The following COL13A1 variants were observed in gnomAD, a reference collection of about 807,000 sequenced individuals.
The protein encoded by COL13A1 is collagen type XIII alpha 1 chain.
A neutral mutation model predicts 130.9 loss-of-function variants in COL13A1; 89 were observed. The ratio of observed to expected loss-of-function variants is 0.68; its 90% confidence interval spans 0.57 to 0.81. The LOEUF (loss-of-function observed/expected upper bound fraction) is 0.81, where lower values mean the gene tolerates loss of function less well. Ranked by LOEUF, COL13A1 falls within the 30% of genes least tolerant of loss-of-function variation. COL13A1 has a pLI of 0.00. For synonymous variants in COL13A1, 402 were observed against 341.6 expected, an observed-to-expected ratio of 1.18 and a Z score of -1.95; for missense variants, 879 against 934.6, an observed-to-expected ratio of 0.94 and a Z score of 0.78.
chr10:69,880,586 G>T (rs1464643388), intron 7 of COL13A1, 33 bp downstream of exon 7: 1 of 1,610,298 alleles, frequency 6.2e-7, no homozygotes, highest in Admixed American at 1.7e-5. Context: ...CGGGGTGTTG[G>T]GGGGATGGGT....
At chr10:69,864,453 C>G (rs1281375772) in intron 2 of COL13A1, among the ~76,000 whole-genome samples, 1 of 152,106 alleles carries the variant, frequency 6.6e-6, no homozygotes, top group Non-Finnish European at 1.5e-5. Context: ...GGCTTCTCAG[C>G]GGGAGGAAAT....
chr10:69,858,115 C>CAAAA lies in COL13A1; in HGVS notation c.365-9666_365-9663dup, dbSNP rs573668102. Among the ~76,000 whole-genome samples, 20 of 80,358 alleles carry CAAAA rather than the reference C, an allele frequency of 2.5e-4. 2 individuals are homozygous for CAAAA. Among genetic ancestry groups the CAAAA allele is most frequent in the Non-Finnish European group, 2.7e-4 (12 of 44,492 alleles). 52.7% of individuals were successfully genotyped at this position (80,358 alleles called of 152,430 possible). On this transcript the variant is annotated intron_variant, in intron 2 of 40. Transcript: ENST00000645393. ...TGGGTGACAGAGCGAGACTCCGTCT[C>CAAAA]AAAAAAAAAAAAAAAAAAAAGATTG...
chr10:69,929,897 C>A (rs768090867), intron 28 of COL13A1, 146 bp from the exon 29 acceptor site: 2 of 697,370 alleles, frequency 2.9e-6, no homozygotes, highest in Non-Finnish European at 2.5e-6. Context: ...AATGCAAATT[C>A]ATACCTCCCA....
At chr10:69,850,665 G>T (rs187684953) in intron 2 of COL13A1, among the ~76,000 whole-genome samples, 1 of 152,092 alleles carries the variant, frequency 6.6e-6, no homozygotes, top group Admixed American at 6.5e-5. Context: ...GGCAGATCAG[G>T]TTCCCTGGGA....
At chr10:69,900,898 C>T (rs1004843006) in intron 14 of COL13A1, among the ~76,000 whole-genome samples, 10 of 152,168 alleles carry the variant, frequency 6.6e-5, no homozygotes. Flanking sequence ...TAACATAGGA[C>T]TTGTGACGTT....
chr10:69,861,343 A>G (rs1195281225), intron 2 of COL13A1, among the ~76,000 whole-genome samples: 1 of 152,136 alleles, frequency 6.6e-6, no homozygotes, highest in Non-Finnish European at 1.5e-5. Flanking sequence ...AGCTAGTAGT[A>G]TGGAGTCCTC....
intron 2 of COL13A1, among the ~76,000 whole-genome samples, chr10:69,853,409 C>G (rs539863024): frequency 1.6e-3 from 238 of 152,338 alleles, no homozygotes; most frequent in Middle Eastern, 3.4e-3. Context: ...ACCTTCCAGC[C>G]TCCGATTCCT....
intron 3 of COL13A1, among the ~76,000 whole-genome samples, chr10:69,869,485 G>A (rs974049465): frequency 5.3e-5 from 8 of 152,214 alleles, no homozygotes; most frequent in African/African-American, 9.6e-5. Flanking sequence ...GTCTGATGCC[G>A]TCTGGGTGTA....
intron 1 of COL13A1, among the ~76,000 whole-genome samples, chr10:69,817,263 G>C (rs921835964): frequency 6.6e-6 from 1 of 152,056 alleles, no homozygotes; most frequent in Non-Finnish European, 1.5e-5. Context: ...GGCGACAGGA[G>C]GGGTTGGCCC....
At chr10:69,921,810 T>C (rs1381658805) in intron 21 of COL13A1, 72 bp from the exon 22 acceptor site, 1 of 1,551,312 alleles carries the variant, frequency 6.4e-7, no homozygotes, top group Non-Finnish European at 8.7e-7. Flanking sequence ...CCCTAAGCTG[T>C]GGAGCTGGTG....
At chr10:69,836,426 A>G (rs1245855915) in intron 2 of COL13A1, among the ~76,000 whole-genome samples, 2 of 152,228 alleles carry the variant, frequency 1.3e-5, no homozygotes, top group Non-Finnish European at 2.9e-5. Flanking sequence ...TCTGGGACTC[A>G]GAAGGGACCC....
intron 34 of COL13A1, among the ~76,000 whole-genome samples, chr10:69,939,338 T>C (rs953817774): frequency 1.3e-5 from 2 of 152,216 alleles, no homozygotes; most frequent in Non-Finnish European, 2.9e-5. Flanking sequence ...AAACATCTGG[T>C]GTTTTATGTG....
intron 16 of COL13A1, among the ~76,000 whole-genome samples, chr10:69,905,242 T>TA (rs1405069326): frequency 6.6e-6 from 1 of 152,224 alleles, no homozygotes; most frequent in Non-Finnish European, 1.5e-5. Context: ...CTGGAAACTC[T>TA]AAGCTCATGC....
At chr10:69,850,684 G>A (rs1408694061) in intron 2 of COL13A1, among the ~76,000 whole-genome samples, 1 of 152,036 alleles carries the variant, frequency 6.6e-6, no homozygotes, top group Non-Finnish European at 1.5e-5. Context: ...GAAGCTGACT[G>A]TCAGCCAGCA....
At chr10:69,953,018 T>C (rs973956571) in intron 39 of COL13A1, 50 bp downstream of exon 39, 2 of 1,375,688 alleles carry the variant, frequency 1.5e-6, no homozygotes. Flanking sequence ...TTCTTGAGGT[T>C]TGTAAGTTGG....
chr10:69,809,256 T>C (rs1188395293), intron 1 of COL13A1, among the ~76,000 whole-genome samples: 1 of 152,246 alleles, frequency 6.6e-6, no homozygotes, highest in African/African-American at 2.4e-5. Context: ...ATTTGGCTAA[T>C]GGCAACTGTA....
intron 2 of COL13A1, among the ~76,000 whole-genome samples, chr10:69,862,701 G>T (rs1858497072): frequency 6.6e-6 from 1 of 152,130 alleles, no homozygotes; most frequent in African/African-American, 2.4e-5. Flanking sequence ...GGGGGCCCAT[G>T]GTCCCGGGAG....
chr10:69,889,376 G>A (rs752786642), intron 9 of COL13A1, 38 bp from the exon 10 acceptor site: 25 of 1,601,934 alleles, frequency 1.6e-5, no homozygotes, highest in East Asian at 4.5e-5. Flanking sequence ...TCTGGGCTGC[G>A]AACAGTGCAC....
rs140343035 is a variant in COL13A1 at position 69,892,269 on chromosome 10, G to T, written c.604-2283G>T. Among the ~76,000 whole-genome samples, 1,395 of 152,218 alleles carry T rather than the reference G, an allele frequency of 9.2e-3. 15 individuals carry two copies. Among genetic ancestry groups the T allele is most frequent in the South Asian group, 0.046 (222 of 4,812 alleles). ...CCTGCTCTTCATCTGTCTGTCTCCT[G>T]CCCCAGATGCTGTCCCCTCCACTGG... On this transcript the variant is annotated intron_variant, in intron 10 of 40. Transcript: ENST00000645393.
Sources: gnomAD v4.1 joint callset for allele counts (sites outside exome capture counted in the v4.1 genomes callset) on GRCh38, gnomAD v4.1.1 for gene constraint, MANE v1.5 for transcripts, NCBI Gene and HGNC (gene_info 2026-07-23, HGNC 2026-07-21) for gene names.